The following EOGT variants were observed in gnomAD, a reference collection of about 807,000 sequenced individuals.
The protein encoded by EOGT is EGF domain specific O-linked N-acetylglucosamine transferase, also known as EGF domain-specific O-linked N-acetylglucosamine transferase.
In EOGT, 55 loss-of-function variants were observed where a neutral mutation model predicts 70.5. That is an observed-to-expected ratio of 0.78 (90% CI 0.63 to 0.98). The LOEUF (loss-of-function observed/expected upper bound fraction) is 0.98, where lower values mean the gene tolerates loss of function less well. EOGT is among the 50% of genes least tolerant of loss of function. The probability of loss-of-function intolerance (pLI) is 0.00; values close to 1 mark genes in which losing one functional copy is unlikely to be tolerated. For missense variants in EOGT, 703 were observed against 641.9 expected (o/e 1.10, Z -1.03); for synonymous variants, 246 against 217.1 (o/e 1.13, Z -1.17).
chr3:68,990,745 T>A (rs936567527), intron 10 of EOGT, among the ~76,000 whole-genome samples: 1 of 152,194 alleles, frequency 6.6e-6, no homozygotes, highest in South Asian at 2.1e-4. Context: ...ATTCAGCCAA[T>A]AGAAATCAGA....
Position 68,976,670 on chromosome 3 carries a change from G to GTGTGTGTGTC in EOGT, c.*947_*948insGACACACACA, listed in dbSNP as rs2090480966. 1 of 152,328 alleles carries GTGTGTGTGTC rather than the reference G, an allele frequency of 6.6e-6. No individual in the cohort carries two copies. The highest frequency in any genetic ancestry group is 1.5e-5 in the Non-Finnish European group (1 of 68,226). 9.4% of individuals were successfully genotyped at this position (152,328 alleles called of 1,614,324 possible). A position where few individuals can be genotyped will look rare whatever the true frequency, so the allele number is the denominator to read the frequency against. On this transcript the variant is annotated 3_prime_UTR_variant, in exon 18 of 18. Transcript: ENST00000383701. ...TGTGTGTGTGTGTGTGTGTGTGTGT[G>GTGTGTGTGTC]TATGTTTTGCATGTTTTCCTTTCCT...
chr3:68,989,731 A>G (rs1297595838), intron 10 of EOGT, among the ~76,000 whole-genome samples: 1 of 142,072 alleles, frequency 7.0e-6, no homozygotes, highest in East Asian at 2.0e-4. Context: ...CTGGGCAACA[A>G]GAGCGAAACT....
intron 3 of EOGT, among the ~76,000 whole-genome samples, chr3:69,010,399 T>C (rs527362565): frequency 6.6e-6 from 1 of 152,360 alleles, no homozygotes; most frequent in Middle Eastern, 3.4e-3. Flanking sequence ...GGATCCAGTT[T>C]AGTGATACCT....
chr3:68,980,630 T>G (rs2090612319), intron 15 of EOGT, among the ~76,000 whole-genome samples: 1 of 152,224 alleles, frequency 6.6e-6, no homozygotes, highest in African/African-American at 2.4e-5. Context: ...GAAGGGAAGC[T>G]GAATTCCCTT....
At chr3:69,013,003 GTC>G (rs1244935681) in intron 1 of EOGT, among the ~76,000 whole-genome samples, 1 of 152,144 alleles carries the variant, frequency 6.6e-6, no homozygotes, top group African/African-American at 2.4e-5. Context: ...GTGCCAAAAA[GTC>G]TCTCGGCGGG....
intron 6 of EOGT, among the ~76,000 whole-genome samples, chr3:69,006,041 T>C (rs1399928079): frequency 6.6e-6 from 1 of 152,202 alleles, no homozygotes; most frequent in Non-Finnish European, 1.5e-5. Context: ...TGATATTGTT[T>C]AGAAGCTACC....
At chr3:68,997,005 T>C (rs1393312757) in intron 10 of EOGT, among the ~76,000 whole-genome samples, 1 of 152,174 alleles carries the variant, frequency 6.6e-6, no homozygotes, top group African/African-American at 2.4e-5. Context: ...GACACCTAGG[T>C]AAATGTCATT....
chr3:68,993,565 C>T (rs2091057737), intron 10 of EOGT, among the ~76,000 whole-genome samples: 1 of 152,184 alleles, frequency 6.6e-6, no homozygotes. Context: ...TTCCTGTCGT[C>T]TTCTGAGCCC....
At position 69,007,903 on chromosome 3, in the gene EOGT, T is replaced by C. The variant is rs549890710; in HGVS notation, c.312-82A>G. 5.3e-5 allele frequency: 48 copies of C among 909,162 alleles called. No individual in the cohort carries two copies. In the South Asian group the frequency reaches 7.6e-4, roughly 14 times the overall value. 56.3% of individuals were successfully genotyped at this position (909,162 alleles called of 1,614,324 possible). On this transcript the variant is annotated intron_variant, in intron 5 of 17. Transcript: ENST00000383701. Reference sequence around the variant, plus strand: ...ATTTTCATTCTAAAGGTTAAAATGCTAGAGGTTCCTTATTACTTTAATTTT... The same window carrying C: ...ATTTTCATTCTAAAGGTTAAAATGCCAGAGGTTCCTTATTACTTTAATTTT...
chr3:68,978,530 T>TC (rs1399362360), intron 16 of EOGT, 95 bp from the exon 17 acceptor site: 4 of 747,186 alleles, frequency 5.4e-6, no homozygotes, highest in Non-Finnish European at 8.9e-6. Flanking sequence ...CCCAAATATG[T>TC]CCTTGCAAAA....
rs777221327 is a variant in EOGT at position 68,988,317 on chromosome 3, T to C, written c.1061A>G (p.Asn354Ser). The C allele has an allele frequency of 1.3e-6, 2 of 1,535,788 alleles. No homozygotes were observed. Among genetic ancestry groups the C allele is most frequent in the African/African-American group, 2.7e-5 (2 of 73,046 alleles). Residue 354 changes from asparagine to serine, a missense_variant, in exon 13 of 18, where the codon AAC becomes AGC. By Grantham distance (46) the Asn-to-Ser change is conservative. Coordinates refer to ENST00000383701, the MANE Select transcript of EOGT (RefSeq NM_001278689.2). ...AFAQHVLHRL[N>S]ITQEGPKDGK... is the part of the protein sequence containing the mutation. ...TACCTTAGGTCCTTCTTGTGTGATG[T>C]TTAGTCTGTGTAGTACATGCTGGGC...
chr3:69,010,784 G>A (rs1301553747), intron 3 of EOGT, among the ~76,000 whole-genome samples: 3 of 152,330 alleles, frequency 2.0e-5, no homozygotes, highest in Admixed American at 1.3e-4. Context: ...AGCAAAGGGA[G>A]TGGGATGGCT....
Position 68,976,261 on chromosome 3 carries a change from T to C in EOGT, c.*1357A>G, listed in dbSNP as rs1431575712. 1 of 152,234 alleles carries C rather than the reference T, an allele frequency of 6.6e-6. No individual in the cohort carries two copies. Among genetic ancestry groups the C allele is most frequent in the Non-Finnish European group, 1.5e-5 (1 of 68,028 alleles). 9.4% of individuals were successfully genotyped at this position (152,234 alleles called of 1,614,324 possible). ...CTTCATGAGGCTAATTTGAAGTTTT[T>C]GAAATTAAAGACTGGAATACTTTCA... On this transcript the variant is annotated 3_prime_UTR_variant, in exon 18 of 18. Transcript: ENST00000383701.
At chr3:69,008,843 A>G (rs951537793) in intron 4 of EOGT, among the ~76,000 whole-genome samples, 4 of 152,236 alleles carry the variant, frequency 2.6e-5, no homozygotes, top group Admixed American at 6.5e-5. Flanking sequence ...TCAGTGAGCA[A>G]GCGGATTCTA....
Position 69,009,795 on chromosome 3 carries a change from C to G in EOGT, c.52G>C (p.Gly18Arg). The G allele has an allele frequency of 6.2e-7, 1 of 1,613,932 alleles. No homozygotes were observed. Among genetic ancestry groups the G allele is most frequent in the Non-Finnish European group, 8.5e-7 (1 of 1,179,978 alleles). ...GTATTAGGAGGAGCTTCATTCTGAC[C>G]ACTCAGTGAGACTTCATGAAGTAAG... ...GVLLHEVSLSGQNEAPPNTHS... is the reference protein window; with the variant it reads ...GVLLHEVSLSRQNEAPPNTHS... Residue 18 changes from glycine (G) to arginine (R), a missense_variant, in exon 4 of 18, where the codon GGT becomes CGT. Physicochemically the swap from Gly to Arg is moderately radical, Grantham distance 125. Coordinates refer to ENST00000383701, the MANE Select transcript of EOGT (RefSeq NM_001278689.2).
intron 10 of EOGT, among the ~76,000 whole-genome samples, chr3:68,997,523 C>T (rs1308612098): frequency 1.3e-5 from 2 of 152,134 alleles, no homozygotes; most frequent in East Asian, 1.9e-4. Flanking sequence ...TGTCTGCCAC[C>T]GTATCTGGCT....
chr3:69,005,980 T>C (rs1338698945), intron 6 of EOGT, among the ~76,000 whole-genome samples: 2 of 152,254 alleles, frequency 1.3e-5, no homozygotes, highest in Non-Finnish European at 2.9e-5. Context: ...ATGGACTGAA[T>C]GTCCGTGTCT....
intron 8 of EOGT, among the ~76,000 whole-genome samples, chr3:69,002,495 T>C (rs886490645): frequency 3.9e-5 from 6 of 152,122 alleles, no homozygotes; most frequent in Non-Finnish European, 7.3e-5. Flanking sequence ...CACTTGAATA[T>C]AGAAACTACC....
rs555097818 is a variant in EOGT at position 69,005,921 on chromosome 3, A to G, written c.421-687T>C. 1.2e-4 allele frequency among the ~76,000 whole-genome samples: 18 copies of G among 152,352 alleles called. No individual in the cohort carries two copies. In the South Asian group the frequency reaches 3.7e-3, roughly 32 times the overall value. ...AACTCCCAATGAACACAAAGTCTCA[A>G]TCTTGACCTGCATGGTGTTTTGGAG... is the stretch of plus-strand genomic sequence containing the variant. On this transcript the variant is annotated intron_variant, in intron 6 of 17. Transcript: ENST00000383701.
Sources: gnomAD v4.1 joint callset for allele counts (sites outside exome capture counted in the v4.1 genomes callset) on GRCh38, gnomAD v4.1.1 for gene constraint, MANE v1.5 for transcripts, NCBI Gene and HGNC (gene_info 2026-07-23, HGNC 2026-07-21) for gene names.